SCN2A: variants seen among roughly 807,000 people sequenced by gnomAD.
The protein encoded by SCN2A is sodium channel protein type 2 subunit alpha.
In SCN2A, 20 loss-of-function variants were observed where a neutral mutation model predicts 188.7. That is an observed-to-expected ratio of 0.11 (90% CI 0.07 to 0.15). SCN2A has a LOEUF of 0.15. Ranked by LOEUF, SCN2A falls within the 10% of genes least tolerant of loss-of-function variation. The probability of loss-of-function intolerance (pLI) is 1.00; values close to 1 mark genes in which losing one functional copy is unlikely to be tolerated. For missense variants in SCN2A, 1,278 were observed against 2,445.0 expected (o/e 0.52, Z 10.07); for synonymous variants, 804 against 833.1 (o/e 0.97, Z 0.60).
chr2:165,281,088 G>A (rs553683049), intron 1 of SCN2A, among the ~76,000 whole-genome samples: 5 of 152,218 alleles, frequency 3.3e-5, no homozygotes, highest in African/African-American at 1.2e-4. Flanking sequence ...AGGCAAGGTG[G>A]CATGTGCCTC....
chr2:165,382,235 G>A (rs1701641073), intron 25 of SCN2A, among the ~76,000 whole-genome samples: 1 of 152,040 alleles, frequency 6.6e-6, no homozygotes, highest in East Asian at 1.9e-4. Flanking sequence ...CGAGTTACAT[G>A]AGACAAGGTT....
At chr2:165,298,865 G>C (rs1326340119) in intron 3 of SCN2A, among the ~76,000 whole-genome samples, 3 of 151,980 alleles carry the variant, frequency 2.0e-5, no homozygotes, top group Non-Finnish European at 2.9e-5. Context: ...GTTCCTAGTA[G>C]ACATTGGGAA....
intron 1 of SCN2A, among the ~76,000 whole-genome samples, chr2:165,252,389 T>G (rs1694134183): frequency 6.6e-6 from 1 of 152,054 alleles, no homozygotes; most frequent in African/African-American, 2.4e-5. Context: ...TGTTCAGTTA[T>G]CAAGTATATA....
chr2:165,337,335 A>G (rs967704491), intron 14 of SCN2A, among the ~76,000 whole-genome samples: 1 of 152,102 alleles, frequency 6.6e-6, no homozygotes, highest in Non-Finnish European at 1.5e-5. Flanking sequence ...AATATCAAGT[A>G]GTCTAAATAT....
At chr2:165,381,064 T>G (rs898925694) in intron 24 of SCN2A, 29 bp from the exon 25 acceptor site, 3 of 1,462,996 alleles carry the variant, frequency 2.1e-6, no homozygotes, top group Non-Finnish European at 2.8e-6. Context: ...AGAACACAAT[T>G]TTAACAAGTG....
chr2:165,298,380 A>G (rs767127829), intron 3 of SCN2A, among the ~76,000 whole-genome samples: 3 of 152,210 alleles, frequency 2.0e-5, no homozygotes, highest in Non-Finnish European at 1.5e-5. Flanking sequence ...GATGTAAAGC[A>G]TGTCCCTAGA....
chr2:165,314,991 A>G (rs1189296887), intron 10 of SCN2A, among the ~76,000 whole-genome samples: 2 of 152,156 alleles, frequency 1.3e-5, no homozygotes, highest in Admixed American at 6.5e-5. Flanking sequence ...GAAATACCCA[A>G]TTTAAATCAC....
chr2:165,247,382 G>A (rs970865211), intron 1 of SCN2A, among the ~76,000 whole-genome samples: 5 of 151,386 alleles, frequency 3.3e-5, no homozygotes, highest in African/African-American at 9.7e-5. Context: ...TTAAATTTAC[G>A]TTAGTCAAGT....
Position 165,315,716 on chromosome 2 carries a change from A to G in SCN2A, c.1629A>G (p.Gly543=). The change falls in exon 11 of 27, where the codon GGA becomes GGG. Residue 543 remains glycine, a synonymous_variant. Coordinates refer to ENST00000375437, the MANE Select transcript of SCN2A (RefSeq NM_001040142.2). ...AAGGTTTCCGTTTTTCCTTGGAAGG[A>G]AGTAGGCTGACATATGAAAAGAGAT... is the stretch of plus-strand genomic sequence containing the variant. ...RRKGFRFSLE[G]SRLTYEKRFS... 1 of 1,613,502 alleles carries G rather than the reference A, an allele frequency of 6.2e-7. No individual in the cohort carries two copies. Among genetic ancestry groups the G allele is most frequent in the Non-Finnish European group, 8.5e-7 (1 of 1,179,760 alleles).
At chr2:165,327,054 C>T (rs1698395265) in intron 13 of SCN2A, 70 bp downstream of exon 13, 2 of 1,548,458 alleles carry the variant, frequency 1.3e-6, no homozygotes, top group Non-Finnish European at 1.8e-6. Flanking sequence ...TCATAAATTT[C>T]AATAAAATAC....
chr2:165,252,917 G>A (rs942956524), intron 1 of SCN2A, among the ~76,000 whole-genome samples: 13 of 152,054 alleles, frequency 8.5e-5, no homozygotes, highest in Admixed American at 2.0e-4. Flanking sequence ...TTTGGGGAAA[G>A]TAGAAAATCT....
intron 1 of SCN2A, chr2:165,271,791 C>T (rs1695116274): frequency 6.6e-6 from 1 of 152,018 alleles, no homozygotes; most frequent in Admixed American, 6.6e-5. Context: ...AGTTCAAAAA[C>T]TTCACATAAG....
At chr2:165,321,917 A>T (rs1273607030) in intron 11 of SCN2A, among the ~76,000 whole-genome samples, 2 of 152,240 alleles carry the variant, frequency 1.3e-5, no homozygotes, top group African/African-American at 4.8e-5. Flanking sequence ...GGAAAAGATC[A>T]AACCAATAAT....
chr2:165,295,727 T>C, intron 1 of SCN2A, 46 bp from the exon 2 acceptor site: 1 of 1,569,482 alleles, frequency 6.4e-7, no homozygotes, highest in Non-Finnish European at 8.7e-7. Flanking sequence ...CACAATCACC[T>C]TTTATTCTAA....
At chr2:165,250,880 T>C (rs564175233) in intron 1 of SCN2A, among the ~76,000 whole-genome samples, 20 of 152,216 alleles carry the variant, frequency 1.3e-4, no homozygotes, top group African/African-American at 4.6e-4. Context: ...TCCCATGTTC[T>C]TCATCATTTT....
chr2:165,290,223 A>T (rs773062132), intron 1 of SCN2A, among the ~76,000 whole-genome samples: 5 of 152,134 alleles, frequency 3.3e-5, no homozygotes, highest in Non-Finnish European at 5.9e-5. Context: ...TATTGGGAAC[A>T]TTCAATATCC....
intron 1 of SCN2A, among the ~76,000 whole-genome samples, chr2:165,258,714 A>G (rs531739001): frequency 1.2e-4 from 18 of 152,340 alleles, no homozygotes; most frequent in Non-Finnish European, 2.4e-4. Flanking sequence ...CTGGATAAAG[A>G]AGATGTGATA....
chr2:165,362,011 G>A (rs867272146), intron 17 of SCN2A, among the ~76,000 whole-genome samples: 104 of 152,156 alleles, frequency 6.8e-4, no homozygotes, highest in African/African-American at 2.3e-3. Flanking sequence ...GTAAATATCA[G>A]ATAGGAAGTG....
chr2:165,286,731 G>A (rs1315381421), intron 1 of SCN2A, among the ~76,000 whole-genome samples: 1 of 152,068 alleles, frequency 6.6e-6, no homozygotes, highest in Non-Finnish European at 1.5e-5. Context: ...ATGAACACAG[G>A]GTGTGTTTCA....
Sources: allele counts gnomAD v4.1 joint callset (sites outside exome capture counted in the v4.1 genomes callset), GRCh38; gene constraint gnomAD v4.1.1; transcripts MANE v1.5; gene names NCBI Gene and HGNC (gene_info 2026-07-23, HGNC 2026-07-21).